GRIK2: variants seen among roughly 807,000 people sequenced by gnomAD.
The protein encoded by GRIK2 is glutamate ionotropic receptor kainate type subunit 2, also known as glutamate receptor ionotropic, kainate 2.
Under a neutral mutation model 100.3 loss-of-function variants are expected in GRIK2, and 32 were observed. The observed-to-expected ratio is 0.32, with a 90% CI of 0.24 to 0.43. The LOEUF (loss-of-function observed/expected upper bound fraction) is 0.43. GRIK2 is among the 20% of genes least tolerant of loss of function. The pLI, the probability that GRIK2 is intolerant of heterozygous loss-of-function variation, is 1.00. For missense variants in GRIK2, 843 were observed against 1,114.9 expected, an observed-to-expected ratio of 0.76 and a Z score of 3.47; for synonymous variants, 417 against 389.4, an observed-to-expected ratio of 1.07 and a Z score of -0.83.
chr6:101,895,084 A>T (rs377222740), intron 12 of GRIK2, among the ~76,000 whole-genome samples: 1 of 151,854 alleles, frequency 6.6e-6, no homozygotes, highest in African/African-American at 2.4e-5. Context: ...ATAAAAATGC[A>T]TTAGGCTATT....
intron 12 of GRIK2, among the ~76,000 whole-genome samples, chr6:101,917,836 A>G (rs1474555780): frequency 2.6e-5 from 4 of 151,532 alleles, no homozygotes; most frequent in African/African-American, 4.8e-5. Flanking sequence ...TCTTCACATT[A>G]TTAGTTTAAC....
chr6:101,434,007 G>A (rs1452109706), intron 2 of GRIK2, among the ~76,000 whole-genome samples: 2 of 152,216 alleles, frequency 1.3e-5, no homozygotes, highest in African/African-American at 4.8e-5. Flanking sequence ...CTGCAACGAG[G>A]TGGCCCCAAA....
chr6:101,791,779 G>T (rs547103873), intron 7 of GRIK2, among the ~76,000 whole-genome samples: 1 of 151,254 alleles, frequency 6.6e-6, no homozygotes, highest in East Asian at 1.9e-4. Context: ...TTTCTGTCTC[G>T]TTGATCTGTC....
At chr6:101,992,066 T>C (rs934816126) in intron 14 of GRIK2, among the ~76,000 whole-genome samples, 1 of 151,622 alleles carries the variant, frequency 6.6e-6, no homozygotes, top group Non-Finnish European at 1.5e-5. Context: ...TGTATTTGCA[T>C]TATTTGCAAT....
At chr6:101,586,306 C>A (rs969282051) in intron 2 of GRIK2, among the ~76,000 whole-genome samples, 6 of 151,896 alleles carry the variant, frequency 4.0e-5, no homozygotes, top group Non-Finnish European at 7.4e-5. Flanking sequence ...AAAAAAAATT[C>A]TTTAAGAAAT....
intron 2 of GRIK2, among the ~76,000 whole-genome samples, chr6:101,415,365 C>CTTTTTTT (rs55751504): frequency 2.0e-5 from 2 of 100,740 alleles, no homozygotes; most frequent in Non-Finnish European, 1.9e-5. Flanking sequence ...TTTTCCATAA[C>CTTTTTTT]TTTTTTTTTT....
intron 10 of GRIK2, among the ~76,000 whole-genome samples, chr6:101,822,969 G>A (rs1022251719): frequency 2.0e-5 from 3 of 152,080 alleles, no homozygotes; most frequent in African/African-American, 2.4e-5. Context: ...TTTACCTAAA[G>A]CAATGTTTCT....
chr6:101,956,402 AT>A (rs1223512947), intron 14 of GRIK2, among the ~76,000 whole-genome samples: 2 of 152,094 alleles, frequency 1.3e-5, no homozygotes, highest in African/African-American at 4.8e-5. Flanking sequence ...ATTTTTAAAG[AT>A]TTCAGGGGTA....
At position 101,621,454 on chromosome 6, in the gene GRIK2, A is replaced by G. The variant is rs148637733; in HGVS notation, c.116-495A>G. On this transcript the variant is annotated intron_variant, in intron 2 of 16. Coordinates refer to ENST00000369134, the MANE Select transcript of GRIK2 (RefSeq NM_021956.5). ...GGGCAAGTGAGTGACTGTCTTAAAA[A>G]AGAAAAAAAATTGTTTAAAAGAATT... Among the ~76,000 whole-genome samples, 1,277 of 152,222 alleles carry G rather than the reference A, an allele frequency of 8.4e-3. 9 individuals are homozygous for G. Among genetic ancestry groups the G allele is most frequent in the Middle Eastern group, 0.031 (9 of 294 alleles).
At chr6:101,909,380 T>TTTTTTTG (rs1337762923) in intron 12 of GRIK2, among the ~76,000 whole-genome samples, 2 of 132,532 alleles carry the variant, frequency 1.5e-5, no homozygotes, top group African/African-American at 3.2e-5. Context: ...GGTTTTCTTT[T>TTTTTTTG]TCTTTTTTTT....
chr6:102,059,336 C>A (rs1771627646), intron 16 of GRIK2, among the ~76,000 whole-genome samples: 1 of 151,266 alleles, frequency 6.6e-6, no homozygotes, highest in South Asian at 2.1e-4. Context: ...TACTCAGAAC[C>A]TTTTCTCATC....
chr6:101,498,138 A>G (rs1773549077), intron 2 of GRIK2, among the ~76,000 whole-genome samples: 1 of 148,750 alleles, frequency 6.7e-6, no homozygotes. Context: ...TGTCCTTGTG[A>G]TAGTTTACTG....
At chr6:101,609,352 GT>G (rs568606222) in intron 2 of GRIK2, among the ~76,000 whole-genome samples, 50 of 151,854 alleles carry the variant, frequency 3.3e-4, no homozygotes, top group African/African-American at 1.1e-3. Context: ...GAAACTAGTT[GT>G]AAAGAGTAAG....
At chr6:101,483,638 G>C (rs903077269) in intron 2 of GRIK2, among the ~76,000 whole-genome samples, 1 of 152,072 alleles carries the variant, frequency 6.6e-6, no homozygotes, top group Non-Finnish European at 1.5e-5. Context: ...GCAGTGGCAC[G>C]ATCTGGGCTC....
chr6:101,435,368 T>C (rs1769652958), intron 2 of GRIK2, among the ~76,000 whole-genome samples: 2 of 149,118 alleles, frequency 1.3e-5, no homozygotes, highest in South Asian at 4.3e-4. Context: ...ATTAACTACA[T>C]TGTGAAGGCA....
At chr6:101,402,522 C>A (rs1327684228) in intron 2 of GRIK2, among the ~76,000 whole-genome samples, 4 of 152,026 alleles carry the variant, frequency 2.6e-5, no homozygotes, top group Non-Finnish European at 4.4e-5. Context: ...TAGGGTGCTG[C>A]CCCGAGGCTC....
At chr6:102,008,230 T>C (rs541994159) in intron 14 of GRIK2, among the ~76,000 whole-genome samples, 2 of 152,048 alleles carry the variant, frequency 1.3e-5, no homozygotes, top group South Asian at 4.1e-4. Flanking sequence ...AAGGTCAAGA[T>C]AGAAAAAGAC....
intron 7 of GRIK2, among the ~76,000 whole-genome samples, chr6:101,704,676 A>G (rs1773132050): frequency 6.6e-6 from 1 of 150,506 alleles, no homozygotes; most frequent in East Asian, 2.0e-4. Flanking sequence ...CCTTCTCCCC[A>G]CCCCCCGAAA....
rs186579556 is a variant in GRIK2, at chr6:101,689,156, G to A, written c.951+2803G>A. On this transcript the variant is annotated intron_variant, in intron 7 of 16. Coordinates refer to ENST00000369134, the MANE Select transcript of GRIK2 (RefSeq NM_021956.5). The stretch of plus-strand genomic sequence containing the variant: ...CATGAATATAGTCAGCAAATTAAGA[G>A]GATTCTAGTTAGAAAAAAGAGAAAA... Among the ~76,000 whole-genome samples the A allele has an allele frequency of 1.3e-4, 20 of 152,154 alleles. No homozygotes were observed. The East Asian group carries it at 3.9e-3, about 29-fold the overall frequency.
Sources: gnomAD v4.1 joint callset for allele counts (sites outside exome capture counted in the v4.1 genomes callset) on GRCh38, gnomAD v4.1.1 for gene constraint, MANE v1.5 for transcripts, NCBI Gene and HGNC (gene_info 2026-07-23, HGNC 2026-07-21) for gene names.